Variants in RANBP2 observed in about 807,000 individuals in gnomAD.
RANBP2 encodes RAN binding protein 2, also known as E3 SUMO-protein ligase RanBP2.
A neutral mutation model predicts 303.6 loss-of-function variants in RANBP2; 57 were observed. The ratio of observed to expected loss-of-function variants is 0.19; its 90% CI spans 0.15 to 0.23. The LOEUF (loss-of-function observed/expected upper bound fraction) is 0.23. Ranked by LOEUF, RANBP2 falls within the 10% of genes least tolerant of loss-of-function variation. The pLI is 1.00. For missense variants in RANBP2, 3,138 were observed against 3,780.8 expected, an observed-to-expected ratio of 0.83 and a Z score of 4.46; for synonymous variants, 1,167 against 1,301.5, an observed-to-expected ratio of 0.90 and a Z score of 2.23.
At chr2:109,567,759 A>T in the RANBP2 span, 1 of 1,488,012 alleles carries the variant, frequency 6.7e-7, no homozygotes, top group Non-Finnish European at 9.0e-7. Flanking sequence ...ATTACTCACA[A>T]ATTACAGTTT....
chr2:109,408,269 G>T, the RANBP2 span, among the ~76,000 whole-genome samples: 1 of 152,182 alleles, frequency 6.6e-6, no homozygotes, highest in Non-Finnish European at 1.5e-5. Flanking sequence ...ATCAGTACAG[G>T]TAAAGCAGGA....
the RANBP2 span, among the ~76,000 whole-genome samples, chr2:109,168,406 C>A: frequency 6.6e-6 from 1 of 152,168 alleles, no homozygotes; most frequent in East Asian, 1.9e-4. Context: ...ACTTCAAGAG[C>A]CTTGCTAATG....
the RANBP2 span, among the ~76,000 whole-genome samples, chr2:109,401,769 G>A: frequency 6.6e-6 from 1 of 152,170 alleles, no homozygotes; most frequent in African/African-American, 2.4e-5. Context: ...CTCTCATGTT[G>A]CCATGGCCTC....
chr2:109,621,255 C>T, the RANBP2 span, among the ~76,000 whole-genome samples: 2 of 152,200 alleles, frequency 1.3e-5, no homozygotes, highest in East Asian at 1.9e-4. Flanking sequence ...CCGGTTCAAG[C>T]GATTTCCCTG....
chr2:109,469,441 A>C, the RANBP2 span, among the ~76,000 whole-genome samples: 1 of 152,092 alleles, frequency 6.6e-6, no homozygotes, highest in Non-Finnish European at 1.5e-5. Flanking sequence ...TCTGTCGAGG[A>C]AGGGTTTGAC....
the RANBP2 span, chr2:108,839,394 C>T: frequency 9.4e-7 from 1 of 1,068,372 alleles, no homozygotes; most frequent in Non-Finnish European, 1.3e-6. Context: ...AATATATTCT[C>T]TGTATTTCAG....
At chr2:109,564,943 C>A in the RANBP2 span, among the ~76,000 whole-genome samples, 1 of 152,158 alleles carries the variant, frequency 6.6e-6, no homozygotes, top group African/African-American at 2.4e-5. Flanking sequence ...GTAGTAAATT[C>A]TGCAAACTCA....
At chr2:109,461,795 C>G in the RANBP2 span, among the ~76,000 whole-genome samples, 4 of 152,372 alleles carry the variant, frequency 2.6e-5, no homozygotes, top group South Asian at 8.3e-4. Flanking sequence ...TTCACAGCAG[C>G]CTGGACCTGT....
the RANBP2 span, among the ~76,000 whole-genome samples, chr2:109,035,462 C>T: frequency 6.6e-6 from 1 of 151,988 alleles, no homozygotes; most frequent in African/African-American, 2.4e-5. Context: ...AGGTGTGAGT[C>T]CTTGGATTTC....
chr2:109,678,560 G>A, the RANBP2 span, among the ~76,000 whole-genome samples: 1 of 152,188 alleles, frequency 6.6e-6, no homozygotes, highest in Non-Finnish European at 1.5e-5. Context: ...TGGATTCATT[G>A]CCCATCTGTA....
At chr2:109,410,721 T>A in the RANBP2 span, among the ~76,000 whole-genome samples, 1 of 152,342 alleles carries the variant, frequency 6.6e-6, no homozygotes, top group East Asian at 1.9e-4. Flanking sequence ...AGGTATCCAT[T>A]ATGGAGCCTT....
chr2:108,955,052 G>A, the RANBP2 span, among the ~76,000 whole-genome samples: 18,998 of 151,962 alleles, frequency 0.13, 3,604 homozygotes, highest in East Asian at 0.92. Flanking sequence ...TGAGGGAAGC[G>A]CTCACAACTA....
At chr2:109,123,720 C>T in the RANBP2 span, among the ~76,000 whole-genome samples, 3 of 152,200 alleles carry the variant, frequency 2.0e-5, no homozygotes, top group South Asian at 6.2e-4. Context: ...CCTCATAGGG[C>T]TGGGTGGTGG....
At chr2:109,709,391 AAACTTTAGCTTT>A in the RANBP2 span, among the ~76,000 whole-genome samples, 1 of 151,208 alleles carries the variant, frequency 6.6e-6, no homozygotes, top group African/African-American at 2.4e-5. Flanking sequence ...AAACAAAACA[AAACTTTAGCTTT>A]GCTGCCTGCT....
At chr2:109,005,651 TA>T in the RANBP2 span, among the ~76,000 whole-genome samples, 1 of 152,236 alleles carries the variant, frequency 6.6e-6, no homozygotes, top group African/African-American at 2.4e-5. Context: ...TCATGTTCCC[TA>T]AATTAAACTG....
the RANBP2 span, among the ~76,000 whole-genome samples, chr2:109,372,002 C>G: frequency 6.6e-6 from 1 of 152,186 alleles, no homozygotes; most frequent in Non-Finnish European, 1.5e-5. Flanking sequence ...CCATGCTTCT[C>G]CAACTCCCCC....
chr2:109,340,589 A>G, the RANBP2 span, among the ~76,000 whole-genome samples: 1 of 152,306 alleles, frequency 6.6e-6, no homozygotes, highest in South Asian at 2.1e-4. Flanking sequence ...TCCTACACTT[A>G]GAAGCATCTG....
the RANBP2 span, among the ~76,000 whole-genome samples, chr2:109,658,086 G>T: frequency 6.6e-6 from 1 of 151,896 alleles, no homozygotes; most frequent in Admixed American, 6.6e-5. Flanking sequence ...TTGAAATTAG[G>T]CTGCATCAGA....
chr2:109,133,760 C>T, the RANBP2 span, among the ~76,000 whole-genome samples: 3 of 147,484 alleles, frequency 2.0e-5, no homozygotes, highest in African/African-American at 7.5e-5. Flanking sequence ...ACTTCTTTCC[C>T]TGTTACAGAC....
Sources: allele counts gnomAD v4.1 joint callset (sites outside exome capture counted in the v4.1 genomes callset), GRCh38; gene constraint gnomAD v4.1.1; transcripts MANE v1.5; gene names NCBI Gene and HGNC (gene_info 2026-07-23, HGNC 2026-07-21).